Variants in SEC31A observed in about 807,000 individuals in gnomAD.
The protein encoded by SEC31A is protein transport protein Sec31A.
Under a neutral mutation model 151.0 loss-of-function variants are expected in SEC31A, and 70 were observed. The ratio of observed to expected loss-of-function variants is 0.46; its 90% CI spans 0.38 to 0.57. The LOEUF is 0.57. Among genes scored for constraint, SEC31A ranks in the 20% least tolerant of loss-of-function variants. The pLI, the probability that SEC31A is intolerant of heterozygous loss-of-function variation, is 0.00. For missense variants in SEC31A, 1,330 were observed against 1,471.2 expected, an observed-to-expected ratio of 0.90 and a Z score of 1.57; for synonymous variants, 475 against 505.9, an observed-to-expected ratio of 0.94 and a Z score of 0.82.
At chr4:82,889,918 A>G (rs1741914596) in intron 1 of SEC31A, among the ~76,000 whole-genome samples, 1 of 152,142 alleles carries the variant, frequency 6.6e-6, no homozygotes, top group Admixed American at 6.5e-5. Context: ...AACAAGGAGC[A>G]CAGAAGAACC....
At chr4:82,885,524 G>C (rs1178427383) in intron 1 of SEC31A, among the ~76,000 whole-genome samples, 1 of 152,056 alleles carries the variant, frequency 6.6e-6, no homozygotes, top group Admixed American at 6.5e-5. Context: ...GAGCACTTAT[G>C]AAATTAGCTT....
chr4:82,861,902 A>ATTAT, intron 13 of SEC31A, 194 bp from the exon 14 acceptor site: 2 of 193,302 alleles, frequency 1.0e-5, no homozygotes, highest in Non-Finnish European at 9.5e-6. Flanking sequence ...ACACTTTCCC[A>ATTAT]TTCTTTTTTT....
intron 1 of SEC31A, among the ~76,000 whole-genome samples, chr4:82,885,877 T>C (rs772147716): frequency 1.3e-5 from 2 of 152,228 alleles, no homozygotes; most frequent in South Asian, 4.1e-4. Context: ...GCCAGTTTCC[T>C]TACTCAGCTC....
At chr4:82,825,691 T>G (rs1468971537) in intron 24 of SEC31A, among the ~76,000 whole-genome samples, 1 of 152,130 alleles carries the variant, frequency 6.6e-6, no homozygotes, top group Non-Finnish European at 1.5e-5. Context: ...GAAGCTGTAA[T>G]GTTTTAGGCA....
At chr4:82,891,320 A>G (rs922311080), upstream of SEC31A, 18 of 824,910 alleles carry the variant, frequency 2.2e-5, no homozygotes, top group South Asian at 2.9e-4. Flanking sequence ...GTAGCCTGGG[A>G]GGCGGGGTAC....
chr4:82,873,266 G>A (rs1737156109), intron 6 of SEC31A, among the ~76,000 whole-genome samples: 1 of 151,676 alleles, frequency 6.6e-6, no homozygotes, highest in Non-Finnish European at 1.5e-5. Flanking sequence ...GCTGAGGCAG[G>A]AGAATTGCCT....
chr4:82,827,328 A>C, intron 24 of SEC31A, 41 bp downstream of exon 24: 1 of 1,584,714 alleles, frequency 6.3e-7, no homozygotes, highest in Non-Finnish European at 8.6e-7. Context: ...ATACTGAAAC[A>C]CAGCCATCTT....
At chr4:82,857,628 A>AG in intron 15 of SEC31A, 61 bp downstream of exon 15, 1 of 1,067,952 alleles carries the variant, frequency 9.4e-7, no homozygotes, top group Non-Finnish European at 1.4e-6. Flanking sequence ...ACTTAAATGC[A>AG]GGAACTATTT....
chr4:82,891,782 C>T (rs141839302), upstream of SEC31A, among the ~76,000 whole-genome samples: 7 of 152,280 alleles, frequency 4.6e-5, no homozygotes, highest in East Asian at 1.3e-3. Context: ...TATTGAGACC[C>T]GGTAGCACTC....
At chr4:82,842,037 T>A (rs1156641408) in intron 22 of SEC31A, 103 bp downstream of exon 22, 3 of 958,348 alleles carry the variant, frequency 3.1e-6, no homozygotes, top group Admixed American at 3.0e-5. Flanking sequence ...ACACCTCACA[T>A]TACCCAGTTT....
chr4:82,890,842 T>G, intron 1 of SEC31A: 1 of 1,327,670 alleles, frequency 7.5e-7, no homozygotes, highest in Non-Finnish European at 9.6e-7. Context: ...GTCGCCAGCC[T>G]CGGGTGGCTT....
In SEC31A at chr4:82,870,310, AT is replaced by A; in HGVS notation, c.882+14del. On this transcript the variant is annotated intron_variant, in intron 8 of 26. Coordinates refer to ENST00000395310, the MANE Select transcript of SEC31A (RefSeq NM_001077207.4). ...TATAAGGGCTACAAGGTTGAGACAC[AT>A]TTCCTGCCCATACCTCTCCTGTGTT... 6.2e-7 allele frequency: 1 copy of A among 1,600,410 alleles called. No homozygotes were observed.
chr4:82,880,231 G>C (rs1389493514), intron 3 of SEC31A, among the ~76,000 whole-genome samples: 1 of 151,102 alleles, frequency 6.6e-6, no homozygotes, highest in Non-Finnish European at 1.5e-5. Flanking sequence ...CAAAAAAACA[G>C]AAAAAAATGC....
chr4:82,824,230 C>A (rs1437720608), intron 25 of SEC31A, among the ~76,000 whole-genome samples: 1 of 152,058 alleles, frequency 6.6e-6, no homozygotes, highest in Admixed American at 6.6e-5. Flanking sequence ...TATTTTGAGA[C>A]GGAGTCTCTG....
chr4:82,837,464 A>G (rs1727680369), intron 22 of SEC31A, among the ~76,000 whole-genome samples: 1 of 151,832 alleles, frequency 6.6e-6, no homozygotes, highest in Non-Finnish European at 1.5e-5. Context: ...ACAGCTCACA[A>G]CCTCTGTCTC....
intron 7 of SEC31A, among the ~76,000 whole-genome samples, chr4:82,870,976 A>G (rs1468143397): frequency 1.3e-5 from 2 of 152,192 alleles, no homozygotes; most frequent in Admixed American, 6.5e-5. Flanking sequence ...TGAGGCCACG[A>G]GTTCAAGACC....
Position 82,862,235 on chromosome 4 carries a change from A to AT in SEC31A, c.1548+298dup, listed in dbSNP as rs1234521205. Among the ~76,000 whole-genome samples, 56 of 64,006 alleles carry AT rather than the reference A, an allele frequency of 8.7e-4. No individual in the cohort carries two copies. In the East Asian group the frequency reaches 0.015, roughly 18 times the overall value. The allele number at this position is 64,006 out of a possible 152,430, so 42.0% of individuals were successfully genotyped here. A position where few individuals can be genotyped will look rare whatever the true frequency, so the allele number is the denominator to read the frequency against. ...GCCCACTTTCCCATTCTTTCCTACC[A>AT]TTTTTTTTTTCCTGGCCAAAAAAAA... On this transcript the variant is annotated intron_variant, in intron 13 of 26. Coordinates refer to ENST00000395310, the MANE Select transcript of SEC31A (RefSeq NM_001077207.4).
rs1729103942 is a variant in SEC31A at position 82,842,318 on chromosome 4, G to C, written c.2790C>G (p.His930Gln). ...TGQSQLYAAQ[H>Q]QASSPTSSPA... ...GGCTGGAGGTAGGTGAAGAGGCCTGGTGCTGTGCTGCGTACAGCTGAGACT... is the reference window on the plus strand; with the variant it reads ...GGCTGGAGGTAGGTGAAGAGGCCTGCTGCTGTGCTGCGTACAGCTGAGACT... Residue 930 changes from histidine (H) to glutamine (Q), a missense_variant, in exon 22 of 27, where the codon CAC (histidine) becomes CAG (glutamine). By Grantham distance (24) the His-to-Gln change is conservative. Transcript: ENST00000395310. 6.2e-7 allele frequency: 1 copy of C among 1,613,666 alleles called. No homozygotes were observed. The highest frequency in any genetic ancestry group is 8.5e-7 in the Non-Finnish European group (1 of 1,179,796).
At chr4:82,821,671 T>C (rs1329531912) in intron 25 of SEC31A, among the ~76,000 whole-genome samples, 1 of 151,282 alleles carries the variant, frequency 6.6e-6, no homozygotes, top group Non-Finnish European at 1.5e-5. Flanking sequence ...TTCCAGTGCA[T>C]GAAAGAGTAC....
Sources: gnomAD v4.1 joint callset for allele counts (sites outside exome capture counted in the v4.1 genomes callset) on GRCh38, gnomAD v4.1.1 for gene constraint, MANE v1.5 for transcripts, NCBI Gene and HGNC (gene_info 2026-07-23, HGNC 2026-07-21) for gene names.